Variants in GFRA1 observed in about 807,000 individuals in gnomAD.
GFRA1 encodes GDNF family receptor alpha-1.
GFRA1 carries 16 observed loss-of-function variants against 51.6 expected under a neutral mutation model. The ratio of observed to expected loss-of-function variants is 0.31; its 90% CI spans 0.21 to 0.47. The LOEUF (loss-of-function observed/expected upper bound fraction) is 0.47, where lower values mean the gene tolerates loss of function less well. GFRA1 is among the 20% of genes least tolerant of loss of function. GFRA1 has a pLI of 1.00. For synonymous variants in GFRA1, 270 were observed against 241.3 expected (o/e 1.12, Z -1.10); for missense variants, 530 against 594.3 (o/e 0.89, Z 1.13).
chr10:116,189,024 G>A (rs1400441705), intron 5 of GFRA1, among the ~76,000 whole-genome samples: 1 of 151,552 alleles, frequency 6.6e-6, no homozygotes, highest in Non-Finnish European at 1.5e-5. Flanking sequence ...GGAGGCTGGG[G>A]CAGGAGGATT....
chr10:116,129,066 A>G (rs892207563), intron 5 of GFRA1, among the ~76,000 whole-genome samples: 1 of 152,182 alleles, frequency 6.6e-6, no homozygotes, highest in African/African-American at 2.4e-5. Context: ...CGCAACCTGG[A>G]ATATTCAAAG....
At chr10:116,138,851 T>A (rs867870793) in intron 5 of GFRA1, among the ~76,000 whole-genome samples, 1 of 152,188 alleles carries the variant, frequency 6.6e-6, no homozygotes, top group Non-Finnish European at 1.5e-5. Flanking sequence ...ACATGCTTGC[T>A]CTTCAAGCCC....
Position 116,057,129 on chromosome 10 carries a change from A to G in GFRA1, c.*7269T>C, listed in dbSNP as rs1035938121. 4 of 152,214 alleles carry G rather than the reference A, an allele frequency of 2.6e-5. No homozygotes were observed. Among genetic ancestry groups the G allele is most frequent in the African/African-American group, 9.6e-5 (4 of 41,456 alleles). 9.4% of individuals were successfully genotyped at this position (152,214 alleles called of 1,614,324 possible). The stretch of plus-strand genomic sequence containing the variant: ...GGGTGTTGGCAATAAAGGCTGTTGC[A>G]AAACAGCTATGTGAGGCAGCCATGT... On this transcript the variant is annotated 3_prime_UTR_variant, in exon 11 of 11. Coordinates refer to ENST00000355422, the MANE Select transcript of GFRA1 (RefSeq NM_005264.8).
chr10:116,251,418 G>A (rs1162884517), intron 4 of GFRA1, among the ~76,000 whole-genome samples: 1 of 152,138 alleles, frequency 6.6e-6, no homozygotes, highest in Non-Finnish European at 1.5e-5. Flanking sequence ...GAGTGGGGGT[G>A]GATGTATCAG....
chr10:116,061,625 T>C lies in GFRA1; in HGVS notation c.*2773A>G, dbSNP rs953370031. On this transcript the variant is annotated 3_prime_UTR_variant, in exon 11 of 11. Transcript: ENST00000355422. ...CACGGTCTGCATGGACCCTAGTTAC[T>C]GTTTGGTTTCATCAAAATCAACTGC... 5.6e-6 allele frequency: 1 copy of C among 179,472 alleles called. No individual in the cohort carries two copies. Among genetic ancestry groups the C allele is most frequent in the African/African-American group, 2.3e-5 (1 of 42,724 alleles). 11.1% of individuals were successfully genotyped at this position (179,472 alleles called of 1,614,324 possible). A position where few individuals can be genotyped will look rare whatever the true frequency, so the allele number is the denominator to read the frequency against.
At position 116,140,242 on chromosome 10, in the gene GFRA1, TAAA is replaced by T. The variant is rs1958505593; in HGVS notation, c.434-14688_434-14686del. Among the ~76,000 whole-genome samples, 4 of 152,332 alleles carry T rather than the reference TAAA, an allele frequency of 2.6e-5. No individual in the cohort carries two copies. In the South Asian group the frequency reaches 8.3e-4, roughly 32 times the overall value. ...CTGAGCCTTCCGGGAAGTTCTTGAA[TAAA>T]AACAAAATGGAAGTCCAGTGGCTTT... On this transcript the variant is annotated intron_variant, in intron 5 of 10. Coordinates refer to ENST00000355422, the MANE Select transcript of GFRA1 (RefSeq NM_005264.8).
chr10:116,132,860 C>T (rs910254479), intron 5 of GFRA1, among the ~76,000 whole-genome samples: 2 of 152,134 alleles, frequency 1.3e-5, no homozygotes, highest in African/African-American at 2.4e-5. Flanking sequence ...TCCATCAGCT[C>T]ACACACCGCA....
intron 9 of GFRA1, among the ~76,000 whole-genome samples, chr10:116,072,759 TCAAAACAAAA>T (rs751604948): frequency 6.6e-5 from 10 of 152,084 alleles, no homozygotes; most frequent in South Asian, 2.1e-4. Context: ...AGACTCCATC[TCAAAACAAAA>T]CAAAACAAAA....
chr10:116,071,111 C>T (rs1360204750), intron 9 of GFRA1, among the ~76,000 whole-genome samples: 2 of 152,178 alleles, frequency 1.3e-5, no homozygotes, highest in Admixed American at 1.3e-4. Context: ...CCAAGCCCCA[C>T]GGACCCTGGC....
chr10:116,084,629 A>T (rs1478176354), intron 9 of GFRA1, among the ~76,000 whole-genome samples: 1 of 152,118 alleles, frequency 6.6e-6, no homozygotes, highest in Non-Finnish European at 1.5e-5. Context: ...ACTCTATTTG[A>T]CCACAGAAAT....
intron 9 of GFRA1, among the ~76,000 whole-genome samples, chr10:116,088,617 G>A (rs575667469): frequency 6.6e-5 from 10 of 152,242 alleles, no homozygotes; most frequent in African/African-American, 2.2e-4. Flanking sequence ...AACACCCAAA[G>A]GGGTAAAGAA....
chr10:116,097,702 C>G (rs989897464), intron 6 of GFRA1, among the ~76,000 whole-genome samples: 1 of 152,198 alleles, frequency 6.6e-6, no homozygotes, highest in Non-Finnish European at 1.5e-5. Context: ...ATGGACTTCA[C>G]AAGAATTTAA....
At chr10:116,089,602 T>C (rs56384669) in intron 9 of GFRA1, 139 bp downstream of exon 9, 355,939 of 790,934 alleles carry the variant, frequency 0.45, 90,813 homozygotes, top group Non-Finnish European at 0.56. Flanking sequence ...CTGGTTGTGT[T>C]TAAAATGCAG....
upstream of GFRA1, among the ~76,000 whole-genome samples, chr10:116,273,778 C>T (rs1844121883): frequency 6.6e-6 from 1 of 152,172 alleles, no homozygotes; most frequent in African/African-American, 2.4e-5. Context: ...GACCCTTCTT[C>T]GGAACACAAA....
intron 4 of GFRA1, among the ~76,000 whole-genome samples, chr10:116,220,380 G>A (rs1455882611): frequency 6.6e-6 from 1 of 152,098 alleles, no homozygotes; most frequent in Non-Finnish European, 1.5e-5. Flanking sequence ...GTATTCCTCA[G>A]CCAGCTCTGT....
At chr10:116,152,312 G>T (rs141887915) in intron 5 of GFRA1, among the ~76,000 whole-genome samples, 1 of 152,152 alleles carries the variant, frequency 6.6e-6, no homozygotes, top group Non-Finnish European at 1.5e-5. Flanking sequence ...ACACATCACC[G>T]TCTTCACAAC....
intron 5 of GFRA1, among the ~76,000 whole-genome samples, chr10:116,164,025 C>A (rs553892401): frequency 3.9e-5 from 6 of 152,096 alleles, no homozygotes; most frequent in Non-Finnish European, 8.8e-5. Context: ...TTCCCACTCC[C>A]GAAGAGGCCT....
At chr10:116,144,792 T>G (rs1416685956) in intron 5 of GFRA1, among the ~76,000 whole-genome samples, 2 of 152,142 alleles carry the variant, frequency 1.3e-5, no homozygotes, top group African/African-American at 2.4e-5. Flanking sequence ...TAAAGCAATT[T>G]TTAAACAAGA....
intron 4 of GFRA1, among the ~76,000 whole-genome samples, chr10:116,267,940 AACACACACACAC>A (rs58079628): frequency 2.0e-5 from 3 of 146,392 alleles, no homozygotes; most frequent in African/African-American, 5.1e-5. Flanking sequence ...CTGACAGACT[AACACACACACAC>A]ACACACACAC....
Sources: allele counts gnomAD v4.1 joint callset (sites outside exome capture counted in the v4.1 genomes callset), GRCh38; gene constraint gnomAD v4.1.1; transcripts MANE v1.5; gene names NCBI Gene and HGNC (gene_info 2026-07-23, HGNC 2026-07-21).